Variants in SPPL3 observed in about 807,000 individuals in gnomAD.
SPPL3 encodes the protein signal peptide peptidase like 3.
Under a neutral mutation model 42.4 loss-of-function variants are expected in SPPL3, and 5 were observed. The observed-to-expected ratio is 0.12, with a 90% CI of 0.06 to 0.25. The LOEUF (loss-of-function observed/expected upper bound fraction) is 0.25. Ranked by LOEUF, SPPL3 falls within the 10% of genes least tolerant of loss-of-function variation. The pLI is 1.00. For synonymous variants in SPPL3, 195 were observed against 181.8 expected (o/e 1.07, Z -0.58); for missense variants, 235 against 489.0 (o/e 0.48, Z 4.90).
intron 1 of SPPL3, among the ~76,000 whole-genome samples, chr12:120,825,922 A>G (rs1449891753): frequency 7.3e-6 from 1 of 137,084 alleles, no homozygotes; most frequent in Non-Finnish European, 1.7e-5. Context: ...ATATTTTGAA[A>G]GAAGAACTAA....
chr12:120,793,569 A>G (rs1869993547), intron 2 of SPPL3, among the ~76,000 whole-genome samples: 1 of 152,252 alleles, frequency 6.6e-6, no homozygotes. Context: ...AGTGTTGGCA[A>G]GGACACAAGG....
At chr12:120,841,354 A>G (rs1303627844) in intron 1 of SPPL3, among the ~76,000 whole-genome samples, 2 of 152,036 alleles carry the variant, frequency 1.3e-5, no homozygotes, top group Non-Finnish European at 2.9e-5. Context: ...TGAGATATAC[A>G]ATACTTTGAA....
rs1411090955 is a variant in SPPL3, at chr12:120,765,075, G to C, written c.1084-5C>G. On this transcript the variant is annotated splice_polypyrimidine_tract_variant and splice_region_variant and intron_variant, in intron 10 of 10. Transcript: ENST00000353487. ...CCACATCCGCCGGAGGTCGCCCTGGGAAACAAGGGACTTTCTAAGTTACAG... is the reference window on the plus strand; with the variant it reads ...CCACATCCGCCGGAGGTCGCCCTGGCAAACAAGGGACTTTCTAAGTTACAG... 3 of 1,612,650 alleles carry C rather than the reference G, an allele frequency of 1.9e-6. No individual in the cohort carries two copies. Among genetic ancestry groups the C allele is most frequent in the Admixed American group, 1.7e-5 (1 of 59,856 alleles).
At chr12:120,866,647 A>T (rs1321046206) in intron 1 of SPPL3, among the ~76,000 whole-genome samples, 1 of 152,252 alleles carries the variant, frequency 6.6e-6, no homozygotes, top group African/African-American at 2.4e-5. Flanking sequence ...GTAAAATAAT[A>T]GCATACATTT....
intron 1 of SPPL3, among the ~76,000 whole-genome samples, chr12:120,896,522 T>C (rs2137070749): frequency 6.6e-6 from 1 of 152,208 alleles, no homozygotes; most frequent in East Asian, 1.9e-4. Flanking sequence ...ATGCCTGTAA[T>C]CCCAACATTT....
intron 1 of SPPL3, among the ~76,000 whole-genome samples, chr12:120,812,479 T>G (rs1392279536): frequency 1.3e-5 from 2 of 152,272 alleles, no homozygotes; most frequent in East Asian, 3.9e-4. Flanking sequence ...AGGAGACAAG[T>G]GGATATTGAA....
chr12:120,900,597 G>GA (rs10657271), intron 1 of SPPL3, among the ~76,000 whole-genome samples: 40,028 of 122,860 alleles, frequency 0.33, 7,523 homozygotes, highest in Non-Finnish European at 0.44. Flanking sequence ...CTGTCTCAAG[G>GA]AAAAAAAAAA....
At chr12:120,854,967 G>T (rs190292425) in intron 1 of SPPL3, among the ~76,000 whole-genome samples, 1 of 152,322 alleles carries the variant, frequency 6.6e-6, no homozygotes, top group Non-Finnish European at 1.5e-5. Flanking sequence ...GCACCTGCAT[G>T]TAACTGTTTC....
rs546289867 is a variant in SPPL3, at chr12:120,842,651, C to T, written c.24-31765G>A. Among the ~76,000 whole-genome samples the T allele has an allele frequency of 1.9e-4, 29 of 152,186 alleles. No homozygotes were observed. The South Asian group carries it at 5.8e-3, about 31-fold the overall frequency. ...ATCGATGGCAGGTTCTCGGTGCATC[C>T]TCACATGGTAGAATAGGCTAACAAG... On this transcript the variant is annotated intron_variant, in intron 1 of 10. Coordinates refer to ENST00000353487, the MANE Select transcript of SPPL3 (RefSeq NM_139015.5).
intron 1 of SPPL3, among the ~76,000 whole-genome samples, chr12:120,834,471 T>C (rs768899223): frequency 1.3e-5 from 2 of 152,270 alleles, no homozygotes; most frequent in East Asian, 1.9e-4. Context: ...AGATAGGCCA[T>C]GAACAGCTTC....
chr12:120,901,667 T>C (rs1873989110), intron 1 of SPPL3, among the ~76,000 whole-genome samples: 2 of 150,078 alleles, frequency 1.3e-5, no homozygotes, highest in Admixed American at 1.3e-4. Flanking sequence ...CTCCAGATAA[T>C]GTAAAAATTT....
At chr12:120,891,407 C>T (rs545852325) in intron 1 of SPPL3, among the ~76,000 whole-genome samples, 1 of 151,946 alleles carries the variant, frequency 6.6e-6, no homozygotes, top group Non-Finnish European at 1.5e-5. Context: ...AATAAGCACA[C>T]ATCAGGCCAC....
chr12:120,879,138 A>C (rs1047812712), intron 1 of SPPL3, among the ~76,000 whole-genome samples: 1 of 143,848 alleles, frequency 7.0e-6, no homozygotes, highest in Admixed American at 7.1e-5. Context: ...AAAAAAAAGA[A>C]TAAGATAATA....
At chr12:120,788,218 C>T (rs564866213) in intron 3 of SPPL3, among the ~76,000 whole-genome samples, 1 of 152,262 alleles carries the variant, frequency 6.6e-6, no homozygotes, top group South Asian at 2.1e-4. Context: ...TGGTGGTGGG[C>T]ATGTAGTGCT....
intron 2 of SPPL3, among the ~76,000 whole-genome samples, chr12:120,804,504 G>A (rs528541333): frequency 3.3e-5 from 5 of 152,144 alleles, no homozygotes; most frequent in Admixed American, 1.3e-4. Flanking sequence ...ACATCAGTAG[G>A]CATTAAGAAA....
intron 3 of SPPL3, among the ~76,000 whole-genome samples, chr12:120,790,040 G>A (rs573084458): frequency 1.3e-5 from 2 of 152,096 alleles, no homozygotes; most frequent in South Asian, 2.1e-4. Flanking sequence ...ACATAATACA[G>A]GACTTTTAAA....
chr12:120,904,337 C>A lies in SPPL3; in HGVS notation c.-470G>T. ...CGCTAGGCGATGAGGCGAGGCCACT[C>A]GATCACACCCGCCGAGGGGAGGAGG... is the stretch of plus-strand genomic sequence containing the variant. On this transcript the variant is annotated 5_prime_UTR_variant, in exon 1 of 11. Transcript: ENST00000353487. The A allele has an allele frequency of 6.1e-6, 1 of 163,826 alleles. No homozygotes were observed. Among genetic ancestry groups the A allele is most frequent in the South Asian group, 1.7e-4 (1 of 5,726 alleles). The allele number at this position is 163,826 out of a possible 1,614,324, so 10.1% of individuals were successfully genotyped here. A position where few individuals can be genotyped will look rare whatever the true frequency, so the allele number is the denominator to read the frequency against.
At chr12:120,893,175 G>A (rs1873697091) in intron 1 of SPPL3, among the ~76,000 whole-genome samples, 1 of 151,762 alleles carries the variant, frequency 6.6e-6, no homozygotes, top group African/African-American at 2.4e-5. Context: ...ACTGGGTCAG[G>A]TGCAGTGGCT....
intron 6 of SPPL3, among the ~76,000 whole-genome samples, chr12:120,773,352 G>A (rs1869191050): frequency 6.6e-6 from 1 of 152,234 alleles, no homozygotes; most frequent in South Asian, 2.1e-4. Context: ...ACACAGGTTT[G>A]TGTATAGATA....
Sources: gnomAD v4.1 joint callset for allele counts (sites outside exome capture counted in the v4.1 genomes callset) on GRCh38, gnomAD v4.1.1 for gene constraint, MANE v1.5 for transcripts, NCBI Gene and HGNC (gene_info 2026-07-23, HGNC 2026-07-21) for gene names.